EEF1E1: variants seen among roughly 807,000 people sequenced by gnomAD.
EEF1E1 encodes eukaryotic translation elongation factor 1 epsilon-1.
EEF1E1 carries 19 observed loss-of-function variants against 19.9 expected under a neutral mutation model. The observed-to-expected ratio is 0.95, with a 90% CI of 0.66 to 1.40. The LOEUF is 1.40. Ranked by LOEUF, EEF1E1 falls within the 40% of genes most tolerant of loss-of-function variation. The pLI is 0.00. For missense variants in EEF1E1, 198 were observed against 202.2 expected, an observed-to-expected ratio of 0.98 and a Z score of 0.13; for synonymous variants, 81 against 80.0, an observed-to-expected ratio of 1.01 and a Z score of -0.07.
chr6:8,076,350 G>A (rs1757589261), downstream of EEF1E1, among the ~76,000 whole-genome samples: 1 of 152,114 alleles, frequency 6.6e-6, no homozygotes, highest in Non-Finnish European at 1.5e-5. Flanking sequence ...TTGAGAGGGA[G>A]TCTCGCTCCG....
chr6:8,076,256 A>G (rs184503354), downstream of EEF1E1, among the ~76,000 whole-genome samples: 21 of 151,858 alleles, frequency 1.4e-4, no homozygotes, highest in Non-Finnish European at 2.1e-4. Flanking sequence ...TACTTTGCCT[A>G]CTCCATCAGA....
In EEF1E1 at chr6:8,079,439, C is replaced by G; in HGVS notation, c.*451G>C. 1 of 988,978 alleles carries G rather than the reference C, an allele frequency of 1.0e-6. No homozygotes were observed. The allele number at this position is 988,978 out of a possible 1,614,324, so 61.3% of individuals were successfully genotyped here. ...ACTAGCTCACATAAATATTTTAAAA[C>G]AAATCCATCTGTCTTCCCTTTTGGC... is the stretch of plus-strand genomic sequence containing the variant. On this transcript the variant is annotated 3_prime_UTR_variant, in exon 4 of 4. Coordinates refer to ENST00000379715, the MANE Select transcript of EEF1E1 (RefSeq NM_004280.5).
intron 1 of EEF1E1, among the ~76,000 whole-genome samples, chr6:8,098,527 A>G (rs955383311): frequency 1.3e-5 from 2 of 152,276 alleles, no homozygotes; most frequent in Non-Finnish European, 2.9e-5. Flanking sequence ...TCTACAGGAT[A>G]CAGATTCAAA....
intron 3 of EEF1E1, among the ~76,000 whole-genome samples, chr6:8,084,016 T>C (rs963862334): frequency 2.0e-5 from 3 of 152,204 alleles, no homozygotes; most frequent in African/African-American, 4.8e-5. Flanking sequence ...TTTCTCTGAT[T>C]ACTTTGCCTG....
chr6:8,076,464 C>T (rs1414661326), downstream of EEF1E1, among the ~76,000 whole-genome samples: 1 of 151,976 alleles, frequency 6.6e-6, no homozygotes, highest in East Asian at 1.9e-4. Flanking sequence ...GCTGGGACTA[C>T]AGGCGCCCAC....
chr6:8,099,772 AC>A lies in EEF1E1; in HGVS notation c.88-2306del, dbSNP rs1561646231. Among the ~76,000 whole-genome samples, 55 of 124,306 alleles carry A rather than the reference AC, an allele frequency of 4.4e-4. 3 individuals carry two copies. Among genetic ancestry groups the A allele is most frequent in the African/African-American group, 1.5e-3 (48 of 31,702 alleles). The allele number at this position is 124,306 out of a possible 152,430, so 81.5% of individuals were successfully genotyped here. Reference sequence around the variant, plus strand: ...CAAAAACACACACACACACACACACACACACACACACACACACACAAAAAAA... The same window carrying A: ...CAAAAACACACACACACACACACACAACACACACACACACACACAAAAAAA... On this transcript the variant is annotated intron_variant, in intron 1 of 3. Coordinates refer to ENST00000379715, the MANE Select transcript of EEF1E1 (RefSeq NM_004280.5).
At position 8,079,750 on chromosome 6, in the gene EEF1E1, A is replaced by C; in HGVS notation, c.*140T>G. 1 of 1,308,782 alleles carries C rather than the reference A, an allele frequency of 7.6e-7. No individual in the cohort carries two copies. The highest frequency in any genetic ancestry group is 9.8e-7 in the Non-Finnish European group (1 of 1,025,510). 81.1% of individuals were successfully genotyped at this position (1,308,782 alleles called of 1,614,324 possible). ...TAAAGAACAAATAAAACATTCAGAC[A>C]CAAGTTTACACTTCAAAAATTCTAT... On this transcript the variant is annotated 3_prime_UTR_variant, in exon 4 of 4. Coordinates refer to ENST00000379715, the MANE Select transcript of EEF1E1 (RefSeq NM_004280.5).
At position 8,080,075 on chromosome 6, in the gene EEF1E1, T is replaced by TA; in HGVS notation, c.385-46dup. The TA allele has an allele frequency of 3.1e-6, 5 of 1,591,680 alleles. No homozygotes were observed. In the South Asian group the frequency reaches 5.6e-5, roughly 18 times the overall value. On this transcript the variant is annotated intron_variant, in intron 3 of 3. Transcript: ENST00000379715. ...ATACACACACAACACAGATGTTACA[T>TA]AAGCACAACTGTTAATATCACTTAA...
In EEF1E1 at chr6:8,097,482, A is replaced by C; in HGVS notation, c.88-15T>G. On this transcript the variant is annotated splice_polypyrimidine_tract_variant and intron_variant, in intron 1 of 3. Coordinates refer to ENST00000379715, the MANE Select transcript of EEF1E1 (RefSeq NM_004280.5). The stretch of plus-strand genomic sequence containing the variant: ...AGAACTGGAATCTTAAAAAGAAAAA[A>C]AAGTTCACAGAATTTAAAAAACAAG... 1 of 1,603,598 alleles carries C rather than the reference A, an allele frequency of 6.2e-7. No individual in the cohort carries two copies. The highest frequency in any genetic ancestry group is 8.5e-7 in the Non-Finnish European group (1 of 1,174,850).
intron 3 of EEF1E1, among the ~76,000 whole-genome samples, chr6:8,089,663 C>A (rs748115744): frequency 6.6e-6 from 1 of 152,206 alleles, no homozygotes; most frequent in East Asian, 1.9e-4. Flanking sequence ...TTTGGCAACA[C>A]CGTCACAGAC....
chr6:8,097,314 G>A lies in EEF1E1; in HGVS notation c.241C>T (p.Gln81Ter). 4 of 1,614,114 alleles carry A rather than the reference G, an allele frequency of 2.5e-6. No individual in the cohort carries two copies. The highest frequency in any genetic ancestry group is 3.4e-6 in the Non-Finnish European group (4 of 1,180,020). Residue 81 changes from glutamine to a stop codon, truncating the protein, a stop_gained, in exon 2 of 4, where the codon CAA (glutamine) becomes TAA (stop). Coordinates refer to ENST00000379715, the MANE Select transcript of EEF1E1 (RefSeq NM_004280.5). LOFTEE classifies it high-confidence loss of function. Reference sequence around the variant, plus strand: ...TTTTTACTGGAGTGCCCATCTACTTGAGTGACCCTGTATTCTAACCACTGC... The same window carrying A: ...TTTTTACTGGAGTGCCCATCTACTTAAGTGACCCTGTATTCTAACCACTGC... ...VQQWLEYRVT[Q>*]VDGHSSKNDI... is the part of the protein sequence containing the mutation.
rs899166948 is a variant in EEF1E1 at position 8,092,872 on chromosome 6, T to G, written c.289-2591A>C. ...TGTGTTTTAGTGATAAAGACTGCTT[T>G]TTTTTTTTTTTTTTTTTTTTGAGAT... On this transcript the variant is annotated intron_variant, in intron 2 of 3. Coordinates refer to ENST00000379715, the MANE Select transcript of EEF1E1 (RefSeq NM_004280.5). 4.4e-4 allele frequency among the ~76,000 whole-genome samples: 46 copies of G among 104,560 alleles called. 3 individuals are homozygous for G. The highest frequency in any genetic ancestry group is 5.9e-4 in the Non-Finnish European group (31 of 52,136). The allele number at this position is 104,560 out of a possible 152,430, so 68.6% of individuals were successfully genotyped here. A position where few individuals can be genotyped will look rare whatever the true frequency, so the allele number is the denominator to read the frequency against.
intron 2 of EEF1E1, 135 bp downstream of exon 2, chr6:8,097,132 G>T: frequency 1.2e-6 from 1 of 852,426 alleles, no homozygotes; most frequent in South Asian, 1.6e-5. Context: ...CAGGCAGAGG[G>T]AATAACAGAT....
chr6:8,100,832 C>T (rs1758328542), intron 1 of EEF1E1, among the ~76,000 whole-genome samples: 1 of 151,026 alleles, frequency 6.6e-6, no homozygotes, highest in South Asian at 2.1e-4. Flanking sequence ...TGCTCACCCA[C>T]GACAGTCCAT....
intron 3 of EEF1E1, among the ~76,000 whole-genome samples, chr6:8,088,328 G>A (rs1385382515): frequency 6.6e-6 from 1 of 152,226 alleles, no homozygotes; most frequent in Non-Finnish European, 1.5e-5. Context: ...ATTCAGGTAA[G>A]AGGCCAGATG....
In EEF1E1 at chr6:8,102,509, C is replaced by T. The variant is rs575826954; in HGVS notation, c.13G>A (p.Ala5Thr). Residue 5 changes from alanine to threonine, a missense_variant, in exon 1 of 4, where the codon GCA becomes ACA. Transcript: ENST00000379715. MAAA[A>T]ELSLLEKSLG... ...GACTTCTCCAGTAGCGACAACTCTG[C>T]GGCCGCCGCCATCTTCCGGCCGTAG... 11 of 1,610,866 alleles carry T rather than the reference C, an allele frequency of 6.8e-6. No homozygotes were observed. The highest frequency in any genetic ancestry group is 1.6e-4 in the Middle Eastern group (1 of 6,062).
chr6:8,089,262 A>G (rs1453631350), intron 3 of EEF1E1, among the ~76,000 whole-genome samples: 3 of 152,244 alleles, frequency 2.0e-5, no homozygotes, highest in African/African-American at 7.2e-5. Context: ...TCAGACAGAA[A>G]TTAGACACTA....
At chr6:8,096,151 A>G (rs904913619) in intron 2 of EEF1E1, among the ~76,000 whole-genome samples, 1 of 152,242 alleles carries the variant, frequency 6.6e-6, no homozygotes, top group African/African-American at 2.4e-5. Context: ...ATCTATTAAT[A>G]TAACTTTTGA....
Position 8,079,737 on chromosome 6 carries a change from A to G in EEF1E1, c.*153T>C. The G allele has an allele frequency of 7.7e-7, 1 of 1,291,592 alleles. No homozygotes were observed. Among genetic ancestry groups the G allele is most frequent in the Non-Finnish European group, 9.8e-7 (1 of 1,016,942 alleles). The allele number at this position is 1,291,592 out of a possible 1,614,324, so 80.0% of individuals were successfully genotyped here. On this transcript the variant is annotated 3_prime_UTR_variant, in exon 4 of 4. Transcript: ENST00000379715. Reference sequence around the variant, plus strand: ...GCAAAACTTCAGCTAAAGAACAAATAAAACATTCAGACACAAGTTTACACT... The same window carrying G: ...GCAAAACTTCAGCTAAAGAACAAATGAAACATTCAGACACAAGTTTACACT...
Sources: allele counts gnomAD v4.1 joint callset (sites outside exome capture counted in the v4.1 genomes callset), GRCh38; gene constraint gnomAD v4.1.1; transcripts MANE v1.5; gene names NCBI Gene and HGNC (gene_info 2026-07-23, HGNC 2026-07-21).